Variants in MKLN1 observed in about 807,000 individuals in gnomAD.
MKLN1 encodes the protein muskelin.
A neutral mutation model predicts 99.0 loss-of-function variants in MKLN1; 18 were observed. The observed-to-expected ratio is 0.18, with a 90% CI of 0.13 to 0.27. The LOEUF is 0.27. Among genes scored for constraint, MKLN1 ranks in the 10% least tolerant of loss-of-function variants. MKLN1 has a pLI of 1.00. For missense variants in MKLN1, 621 were observed against 875.9 expected, an observed-to-expected ratio of 0.71 and a Z score of 3.67; for synonymous variants, 288 against 293.2, an observed-to-expected ratio of 0.98 and a Z score of 0.18.
At chr7:131,319,645 A>G (rs909238317) in intron 3 of MKLN1, among the ~76,000 whole-genome samples, 1 of 152,178 alleles carries the variant, frequency 6.6e-6, no homozygotes, top group Non-Finnish European at 1.5e-5. Flanking sequence ...GAAAGAGAGG[A>G]AGTCAACTTG....
intron 4 of MKLN1, among the ~76,000 whole-genome samples, chr7:131,391,873 C>G (rs1396802063): frequency 6.6e-6 from 1 of 152,118 alleles, no homozygotes; most frequent in Non-Finnish European, 1.5e-5. Flanking sequence ...TTTGTGTTTA[C>G]ATGCCTTCTT....
chr7:131,290,524 A>G (rs1798201717), intron 3 of MKLN1, among the ~76,000 whole-genome samples: 1 of 152,220 alleles, frequency 6.6e-6, no homozygotes, highest in Non-Finnish European at 1.5e-5. Flanking sequence ...ATGGGCACTC[A>G]TGCTCTTTGT....
chr7:131,145,647 T>C (rs1216168207), intron 2 of MKLN1, among the ~76,000 whole-genome samples: 1 of 152,234 alleles, frequency 6.6e-6, no homozygotes, highest in East Asian at 1.9e-4. Flanking sequence ...GTAAGGGGGA[T>C]GGTGATAACT....
At chr7:131,130,019 T>C (rs1010773217) in intron 1 of MKLN1, among the ~76,000 whole-genome samples, 2 of 152,250 alleles carry the variant, frequency 1.3e-5, no homozygotes, top group Non-Finnish European at 2.9e-5. Flanking sequence ...TTCACTTCGA[T>C]AGACATGTGT....
chr7:131,328,061 G>A, intron 1 of MKLN1, 64 bp downstream of exon 1: 2 of 1,559,582 alleles, frequency 1.3e-6, no homozygotes, highest in Non-Finnish European at 1.7e-6. Context: ...TGGGCCAGGG[G>A]TGCAATGGAG....
chr7:131,380,765 G>T (rs556113162), intron 2 of MKLN1, among the ~76,000 whole-genome samples: 1 of 152,244 alleles, frequency 6.6e-6, no homozygotes, highest in East Asian at 1.9e-4. Context: ...ATGTGTTTTT[G>T]AATTCTTCCC....
At chr7:131,149,523 A>G (rs1300589713) in intron 2 of MKLN1, among the ~76,000 whole-genome samples, 1 of 152,252 alleles carries the variant, frequency 6.6e-6, no homozygotes, top group Non-Finnish European at 1.5e-5. Context: ...ATCAACAAGT[A>G]GCCATATTCA....
At chr7:131,255,350 T>C (rs913918908) in intron 3 of MKLN1, among the ~76,000 whole-genome samples, 1 of 151,854 alleles carries the variant, frequency 6.6e-6, no homozygotes, top group African/African-American at 2.4e-5. Context: ...AGAGTAAAAA[T>C]GTTGAAAGAG....
chr7:131,245,824 G>T (rs1233601147), intron 3 of MKLN1, among the ~76,000 whole-genome samples: 1 of 152,214 alleles, frequency 6.6e-6, no homozygotes. Flanking sequence ...TTCTCAGAAC[G>T]TATCCCTGTC....
chr7:131,480,020 C>CAA lies in MKLN1; in HGVS notation c.2086+1363_2086+1364dup, dbSNP rs1224471886. Among the ~76,000 whole-genome samples, 586 of 60,852 alleles carry CAA rather than the reference C, an allele frequency of 9.6e-3. 5 individuals carry two copies. Among genetic ancestry groups the CAA allele is most frequent in the East Asian group, 0.017 (38 of 2,272 alleles). The allele number at this position is 60,852 out of a possible 152,430, so 39.9% of individuals were successfully genotyped here. On this transcript the variant is annotated intron_variant, in intron 17 of 17. Coordinates refer to ENST00000352689, the MANE Select transcript of MKLN1 (RefSeq NM_013255.5). ...TGGGCGACAGAGGAAGACTCCATCTCAAAAAAAAAAAAAAAAAAAAATACC... is the reference window on the plus strand; with the variant it reads ...TGGGCGACAGAGGAAGACTCCATCTCAAAAAAAAAAAAAAAAAAAAAAATACC...
intron 9 of MKLN1, among the ~76,000 whole-genome samples, chr7:131,431,942 C>T (rs1304722347): frequency 6.6e-6 from 1 of 152,040 alleles, no homozygotes; most frequent in African/African-American, 2.4e-5. Context: ...TAATAAATAC[C>T]CACTTATTCT....
At chr7:131,474,561 C>T (rs1343530015) in intron 16 of MKLN1, among the ~76,000 whole-genome samples, 1 of 152,184 alleles carries the variant, frequency 6.6e-6, no homozygotes, top group Non-Finnish European at 1.5e-5. Flanking sequence ...TAATAGTTTT[C>T]TCCTTATCCT....
intron 3 of MKLN1, among the ~76,000 whole-genome samples, chr7:131,258,411 A>G (rs1276514827): frequency 7.8e-6 from 1 of 128,594 alleles, no homozygotes; most frequent in Non-Finnish European, 1.8e-5. Flanking sequence ...AGATGGAAGT[A>G]GTGGAAAAGA....
intron 10 of MKLN1, among the ~76,000 whole-genome samples, chr7:131,438,467 A>G (rs1338048511): frequency 1.4e-5 from 2 of 148,142 alleles, no homozygotes; most frequent in Admixed American, 6.8e-5. Context: ...CTAGAGGGGA[A>G]TTTGACATAC....
intron 7 of MKLN1, among the ~76,000 whole-genome samples, chr7:131,411,905 T>TAA (rs1563335038): frequency 2.1e-4 from 4 of 19,098 alleles, no homozygotes; most frequent in African/African-American, 8.6e-4. Flanking sequence ...AGATTCCATC[T>TAA]CAAAAAAAAA....
chr7:131,492,946 A>C lies in MKLN1; in HGVS notation c.*5218A>C, dbSNP rs879474598. 2.6e-5 allele frequency: 4 copies of C among 152,114 alleles called. No homozygotes were observed. The highest frequency in any genetic ancestry group is 4.4e-5 in the Non-Finnish European group (3 of 68,024). 9.4% of individuals were successfully genotyped at this position (152,114 alleles called of 1,614,324 possible). A position where few individuals can be genotyped will look rare whatever the true frequency, so the allele number is the denominator to read the frequency against. ...ACTGTCTTTTTGGCTAAAGTTTTAT[A>C]TTGTGAACTGGATCCCACTTAACAG... On this transcript the variant is annotated 3_prime_UTR_variant, in exon 18 of 18. Transcript: ENST00000352689.
chr7:131,130,494 A>G (rs1327648872), intron 1 of MKLN1, among the ~76,000 whole-genome samples: 1 of 152,124 alleles, frequency 6.6e-6, no homozygotes, highest in Admixed American at 6.5e-5. Flanking sequence ...CCCCCATTTC[A>G]CAGAAGTGGA....
intron 3 of MKLN1, among the ~76,000 whole-genome samples, chr7:131,276,032 G>C (rs763845201): frequency 6.6e-6 from 1 of 152,190 alleles, no homozygotes; most frequent in Non-Finnish European, 1.5e-5. Flanking sequence ...AAGAAGGGAG[G>C]TGCTAGACTG....
At position 131,453,104 on chromosome 7, in the gene MKLN1, C is replaced by T. The variant is rs1796231802; in HGVS notation, c.1525+7201C>T. 2.0e-5 allele frequency among the ~76,000 whole-genome samples: 3 copies of T among 152,144 alleles called. No homozygotes were observed. In the South Asian group the frequency reaches 6.2e-4, roughly 32 times the overall value. On this transcript the variant is annotated intron_variant, in intron 12 of 17. Transcript: ENST00000352689. ...TAATAATAACTTTCCCTGATTTCCCCCTTCTACCCTCCCAGGGGTGTTTTT... is the reference window on the plus strand; with the variant it reads ...TAATAATAACTTTCCCTGATTTCCCTCTTCTACCCTCCCAGGGGTGTTTTT...
Sources: allele counts gnomAD v4.1 joint callset (sites outside exome capture counted in the v4.1 genomes callset), GRCh38; gene constraint gnomAD v4.1.1; transcripts MANE v1.5; gene names NCBI Gene and HGNC (gene_info 2026-07-23, HGNC 2026-07-21).